INPP5D: variants seen among roughly 807,000 people sequenced by gnomAD.
INPP5D encodes phosphatidylinositol 3,4,5-trisphosphate 5-phosphatase 1.
In INPP5D, 33 loss-of-function variants were observed where a neutral mutation model predicts 122.9. The ratio of observed to expected loss-of-function variants is 0.27; its 90% confidence interval spans 0.20 to 0.36. The LOEUF is 0.36. Among genes scored for constraint, INPP5D ranks in the 10% least tolerant of loss-of-function variants. The pLI is 1.00. For synonymous variants in INPP5D, 584 were observed against 576.2 expected (o/e 1.01, Z -0.19); for missense variants, 1,053 against 1,412.7 (o/e 0.75, Z 4.08).
chr2:233,122,196 T>A lies in INPP5D; in HGVS notation c.288T>A (p.His96Gln), dbSNP rs1191748379. 1 of 1,613,890 alleles carries A rather than the reference T, an allele frequency of 6.2e-7. No homozygotes were observed. Among genetic ancestry groups the A allele is most frequent in the Non-Finnish European group, 8.5e-7 (1 of 1,179,872 alleles). Reference protein sequence around the residue: ...YKKENMGLVTHLQYPVPLEEE... With the variant: ...YKKENMGLVTQLQYPVPLEEE... The stretch of plus-strand genomic sequence containing the variant: ...AGGAAAACATGGGGCTGGTGACCCA[T>A]CTGCAATACCCTGTGCCGCTGGAGG... The change falls in exon 3 of 27, where the codon CAT (histidine) becomes CAA (glutamine). Residue 96 changes from histidine (H) to glutamine (Q), a missense_variant. Transcript: ENST00000445964.
intron 17 of INPP5D, among the ~76,000 whole-genome samples, chr2:233,175,477 G>A (rs767169115): frequency 3.3e-5 from 5 of 152,110 alleles, no homozygotes; most frequent in Admixed American, 6.6e-5. Flanking sequence ...GGAGGCTCTG[G>A]TATTGACAAG....
At chr2:233,073,536 A>G (rs1177456350) in intron 1 of INPP5D, among the ~76,000 whole-genome samples, 1 of 148,242 alleles carries the variant, frequency 6.7e-6, no homozygotes, top group East Asian at 2.1e-4. Context: ...GCTACTCCGG[A>G]GGCTGAGACA....
Position 233,189,998 on chromosome 2 carries a change from T to G in INPP5D, c.2446+61T>G, listed in dbSNP as rs1254806625. On this transcript the variant is annotated intron_variant, in intron 22 of 26. Coordinates refer to ENST00000445964, the MANE Select transcript of INPP5D (RefSeq NM_001017915.3). This position sits in a 1 kb window ranked among gnomAD's most constrained non-coding sequence, Gnocchi z 5.6. Reference sequence around the variant, plus strand: ...GAACTGGCGGCCTCTGACGTAGCATTGCCTTCAGGGGAGCTCACCTGGCAC... The same window carrying G: ...GAACTGGCGGCCTCTGACGTAGCATGGCCTTCAGGGGAGCTCACCTGGCAC... The G allele has an allele frequency of 7.5e-6, 12 of 1,593,874 alleles. No homozygotes were observed. Among genetic ancestry groups the G allele is most frequent in the Non-Finnish European group, 1.0e-5 (12 of 1,171,134 alleles).
At chr2:233,079,907 T>G (rs1429486788) in intron 2 of INPP5D, among the ~76,000 whole-genome samples, 4 of 152,226 alleles carry the variant, frequency 2.6e-5, no homozygotes, top group Non-Finnish European at 4.4e-5. Context: ...AGTCAAAATG[T>G]GCAAAACTTG....
intron 2 of INPP5D, among the ~76,000 whole-genome samples, chr2:233,114,072 G>C (rs990054071): frequency 6.6e-6 from 1 of 152,138 alleles, no homozygotes; most frequent in Non-Finnish European, 1.5e-5. Context: ...AACACGCCCA[G>C]CTAATTTTTG....
At chr2:233,202,517 G>A (rs890028453) in intron 25 of INPP5D, among the ~76,000 whole-genome samples, 53 of 152,150 alleles carry the variant, frequency 3.5e-4, no homozygotes, top group African/African-American at 1.2e-3. Context: ...GTGTGAGGAC[G>A]ACATCCCGCC....
rs1692455763 is a variant in INPP5D at position 233,105,923 on chromosome 2, G to A, written c.199-16184G>A. On this transcript the variant is annotated intron_variant, in intron 2 of 26. Transcript: ENST00000445964. This position sits in a 1 kb window ranked among gnomAD's most constrained non-coding sequence, Gnocchi z 4.0. ...GATGAAGGGACAGTGGCCACTGGGA[G>A]GTCAGAGAGCAGTCGCTATGGGAAT... is the stretch of plus-strand genomic sequence containing the variant. Among the ~76,000 whole-genome samples the A allele has an allele frequency of 6.6e-6, 1 of 152,180 alleles. No individual in the cohort carries two copies. The highest frequency in any genetic ancestry group is 1.5e-5 in the Non-Finnish European group (1 of 68,036).
intron 2 of INPP5D, among the ~76,000 whole-genome samples, chr2:233,080,156 C>T (rs777206855): frequency 3.3e-5 from 5 of 152,106 alleles, no homozygotes; most frequent in South Asian, 2.1e-4. Context: ...TCTTAAACTC[C>T]TGACAGCGAA....
intron 6 of INPP5D, chr2:233,145,426 C>A: frequency 2.3e-6 from 1 of 436,588 alleles, no homozygotes; most frequent in South Asian, 1.6e-5. Flanking sequence ...CTCCATTCAG[C>A]AGGGAAGACA....
intron 10 of INPP5D, among the ~76,000 whole-genome samples, chr2:233,161,133 C>G (rs1161769177): frequency 2.0e-5 from 3 of 151,738 alleles, no homozygotes; most frequent in Non-Finnish European, 4.4e-5. Context: ...GCTCTGTTAC[C>G]CAGGCTGGAG....
chr2:233,125,666 T>C, intron 3 of INPP5D, 79 bp from the exon 4 acceptor site: 4 of 1,332,714 alleles, frequency 3.0e-6, no homozygotes, highest in Non-Finnish European at 3.1e-6. Flanking sequence ...TGTCGTGGCC[T>C]GGACCCCATG....
At chr2:233,103,395 G>A (rs921124915) in intron 2 of INPP5D, among the ~76,000 whole-genome samples, 5 of 152,150 alleles carry the variant, frequency 3.3e-5, no homozygotes, top group African/African-American at 1.2e-4. Context: ...TATGTTCCTG[G>A]GTTTCTCTAT....
rs144057364 is a variant in INPP5D at position 233,124,595 on chromosome 2, C to T, written c.350-1150C>T. Among the ~76,000 whole-genome samples the T allele has an allele frequency of 6.5e-3, 994 of 152,292 alleles. 3 individuals are homozygous for T. The highest frequency in any genetic ancestry group is 0.018 in the South Asian group (85 of 4,830). ...AGCCCAAGGTCACTCACCAGCACCGCGCCCTGGCTGCACCTGAACAGCTGC... is the reference window on the plus strand; with the variant it reads ...AGCCCAAGGTCACTCACCAGCACCGTGCCCTGGCTGCACCTGAACAGCTGC... On this transcript the variant is annotated intron_variant, in intron 3 of 26. Coordinates refer to ENST00000445964, the MANE Select transcript of INPP5D (RefSeq NM_001017915.3).
At chr2:233,191,981 C>A (rs73996068) in intron 22 of INPP5D, among the ~76,000 whole-genome samples, 4,366 of 152,184 alleles carry the variant, frequency 0.029, 190 homozygotes, top group African/African-American at 0.098. Context: ...GGAAAGGAGG[C>A]TGGGAGACCT....
intron 2 of INPP5D, among the ~76,000 whole-genome samples, chr2:233,089,978 C>T (rs1419987319): frequency 1.3e-5 from 2 of 152,228 alleles, no homozygotes; most frequent in East Asian, 1.9e-4. Context: ...TTCTGTGCTT[C>T]CAAACAATCC....
chr2:233,193,688 G>T, intron 22 of INPP5D, 124 bp from the exon 23 acceptor site: 2 of 1,526,176 alleles, frequency 1.3e-6, no homozygotes, highest in South Asian at 1.2e-5. Flanking sequence ...TTGTTCTGAC[G>T]GATTTATTAA....
Position 233,125,748 on chromosome 2 carries a change from A to T in INPP5D, c.353A>T (p.Glu118Val). The change falls in exon 4 of 27, where the codon GAA becomes GTA. Residue 118 changes from glutamate to valine, a missense_variant. This residue lies in a region of INPP5D where 196 missense variants were observed against 175.6 expected (regional missense o/e 1.12). Transcript: ENST00000445964. ...GCCTTCCTGCTGTTCTCTCCAGTAGAAAGTGTCGTGTCTCCACCCGAGCTG... is the reference window on the plus strand; with the variant it reads ...GCCTTCCTGCTGTTCTCTCCAGTAGTAAGTGTCGTGTCTCCACCCGAGCTG... Reference protein sequence around the residue: ...TGDDPEEDTVESVVSPPELPP... With the variant: ...TGDDPEEDTVVSVVSPPELPP... The T allele has an allele frequency of 6.2e-7, 1 of 1,612,470 alleles. No individual in the cohort carries two copies. Among genetic ancestry groups the T allele is most frequent in the Non-Finnish European group, 8.5e-7 (1 of 1,179,108 alleles).
At chr2:233,092,878 CA>C (rs377348424) in intron 2 of INPP5D, among the ~76,000 whole-genome samples, 6 of 152,088 alleles carry the variant, frequency 3.9e-5, no homozygotes, top group Admixed American at 1.3e-4. Flanking sequence ...CAGCCCCCAG[CA>C]CCCCTACAGC....
intron 2 of INPP5D, among the ~76,000 whole-genome samples, chr2:233,083,434 C>G (rs1388893629): frequency 1.3e-5 from 2 of 152,182 alleles, no homozygotes; most frequent in African/African-American, 2.4e-5. Context: ...TGAGAACCTT[C>G]TGGACTCAGC....
Sources: allele counts gnomAD v4.1 joint callset (sites outside exome capture counted in the v4.1 genomes callset), GRCh38; gene constraint gnomAD v4.1.1; regional missense constraint gnomAD v4.1.1; non-coding constraint Gnocchi (gnomAD v3.1); transcripts MANE v1.5; gene names NCBI Gene and HGNC (gene_info 2026-07-23, HGNC 2026-07-21).